MORC1: variants seen among roughly 807,000 people sequenced by gnomAD.
MORC1 encodes the protein MORC family CW-type zinc finger protein 1.
In MORC1, 59 loss-of-function variants were observed where a neutral mutation model predicts 134.9. That is an observed-to-expected ratio of 0.44 (90% CI 0.35 to 0.54). The LOEUF is 0.54. Ranked by LOEUF, MORC1 falls within the 20% of genes least tolerant of loss-of-function variation. The probability of loss-of-function intolerance (pLI) is 0.00; values close to 1 mark genes in which losing one functional copy is unlikely to be tolerated. For synonymous variants in MORC1, 395 were observed against 391.7 expected, an observed-to-expected ratio of 1.01 and a Z score of -0.10; for missense variants, 947 against 1,134.5, an observed-to-expected ratio of 0.83 and a Z score of 2.37.
chr3:108,959,368 T>G (rs1576565123), intron 27 of MORC1, among the ~76,000 whole-genome samples: 1 of 152,212 alleles, frequency 6.6e-6, no homozygotes, highest in Admixed American at 6.5e-5. Flanking sequence ...TTTTCTCTTT[T>G]TAAAAAATTA....
intron 17 of MORC1, among the ~76,000 whole-genome samples, chr3:109,015,514 G>T (rs373137172): frequency 6.2e-4 from 95 of 152,168 alleles, no homozygotes; most frequent in African/African-American, 2.2e-3. Context: ...GTAACTCCAG[G>T]GGTAGCTGAA....
In MORC1 at chr3:109,095,033, G is replaced by C. The variant is rs1456638718; in HGVS notation, c.459C>G (p.Thr153=). 1.3e-6 allele frequency: 2 copies of C among 1,589,116 alleles called. No homozygotes were observed. The highest frequency in any genetic ancestry group is 1.2e-5 in the South Asian group (1 of 83,462). ...VVPMPSWLIR[T]RESVTDDPQK... is the part of the protein sequence containing the mutation. ...GGGGATCATCTGTGACAGATTCTCT[G>C]GTTCTTATTAACCATGAGGGCATTG... is the stretch of plus-strand genomic sequence containing the variant. Residue 153 remains threonine, a synonymous_variant, in exon 7 of 28, where the codon ACC becomes ACG. Transcript: ENST00000232603.
intron 17 of MORC1, among the ~76,000 whole-genome samples, chr3:109,027,118 A>G (rs1949094634): frequency 1.3e-5 from 2 of 152,242 alleles, no homozygotes; most frequent in Non-Finnish European, 2.9e-5. Flanking sequence ...CTGCTATTTG[A>G]GGAAGCCAAC....
chr3:109,040,427 G>GGAAGGAAGGAAGGAAAGAAA (rs1248788787), intron 14 of MORC1, among the ~76,000 whole-genome samples: 19 of 48,382 alleles, frequency 3.9e-4, no homozygotes, highest in South Asian at 3.0e-3. Context: ...AAGGAAGGAA[G>GGAAGGAAGGAAGGAAAGAAA]GAAAGAAAGA....
intron 25 of MORC1, 77 bp from the exon 26 acceptor site, chr3:108,969,799 A>G (rs1947325537): frequency 4.3e-6 from 6 of 1,381,926 alleles, no homozygotes; most frequent in Non-Finnish European, 5.1e-6. Flanking sequence ...TATATCACAC[A>G]AGCATTGAGT....
In MORC1 at chr3:109,035,414, T is replaced by C; in HGVS notation, c.1385A>G (p.Asp462Gly). Residue 462 changes from aspartate to glycine, a missense_variant, in exon 15 of 28, where the codon GAT becomes GGT. This residue lies in a region of MORC1 where 722 missense variants were observed against 817.0 expected (regional missense o/e 0.88). Coordinates refer to ENST00000232603, the MANE Select transcript of MORC1 (RefSeq NM_014429.4). ...AAAAGAATTTAAAGGTTTCTCCACA[T>C]CGATGTCATTCTGGTATCCAAATTC... ...CNEFGYQNDI[D>G]VEKPLNSFQY... 1.3e-6 allele frequency: 2 copies of C among 1,541,844 alleles called. No individual in the cohort carries two copies. The highest frequency in any genetic ancestry group is 1.8e-6 in the Non-Finnish European group (2 of 1,127,644).
chr3:109,060,958 T>C (rs1950066101), intron 11 of MORC1, among the ~76,000 whole-genome samples: 1 of 149,434 alleles, frequency 6.7e-6, no homozygotes, highest in African/African-American at 2.5e-5. Flanking sequence ...CAATGATCAA[T>C]AACAATAAGA....
chr3:108,959,206 C>G, intron 27 of MORC1, 86 bp from the exon 28 acceptor site: 1 of 1,184,182 alleles, frequency 8.4e-7, no homozygotes, highest in East Asian at 2.8e-5. Context: ...ACAGTCTTCC[C>G]TATGACTCAT....
chr3:109,005,491 A>G (rs1322309471), intron 18 of MORC1, among the ~76,000 whole-genome samples, 176 bp from the exon 19 acceptor site: 1 of 152,218 alleles, frequency 6.6e-6, no homozygotes, highest in Non-Finnish European at 1.5e-5. Context: ...CTCATTAAGA[A>G]TTTGATTCAT....
intron 8 of MORC1, among the ~76,000 whole-genome samples, chr3:109,081,389 G>C (rs1434766596): frequency 1.3e-5 from 2 of 151,548 alleles, no homozygotes; most frequent in African/African-American, 4.8e-5. Context: ...CAAATATCAG[G>C]ATGGGAAAGT....
At chr3:109,031,439 T>A (rs1272556790) in intron 16 of MORC1, among the ~76,000 whole-genome samples, 1 of 152,218 alleles carries the variant, frequency 6.6e-6, no homozygotes, top group East Asian at 1.9e-4. Context: ...CTCCAGAGTC[T>A]GAACTCTAAA....
chr3:109,111,356 C>T (rs1311261342), intron 2 of MORC1, among the ~76,000 whole-genome samples: 2 of 152,122 alleles, frequency 1.3e-5, no homozygotes, highest in Admixed American at 1.3e-4. Context: ...GTTGCCTCAG[C>T]ACTACAGTGG....
chr3:109,035,988 T>C (rs1161582352), intron 14 of MORC1, among the ~76,000 whole-genome samples: 2 of 152,214 alleles, frequency 1.3e-5, no homozygotes, highest in African/African-American at 2.4e-5. Flanking sequence ...TCCTCCTTGC[T>C]TGAAAACACT....
chr3:109,003,262 C>CATATATAT (rs60788462), intron 20 of MORC1, among the ~76,000 whole-genome samples: 3,021 of 149,554 alleles, frequency 0.02, 67 homozygotes, highest in African/African-American at 0.056. Flanking sequence ...TAAAATTATA[C>CATATATAT]ATATATATAT....
chr3:109,075,427 A>C (rs1243894245), intron 8 of MORC1, among the ~76,000 whole-genome samples: 1 of 152,192 alleles, frequency 6.6e-6, no homozygotes, highest in Admixed American at 6.5e-5. Context: ...TAGAGTTTTT[A>C]TGGCTTTAGG....
chr3:108,985,865 G>A (rs2107467454), intron 22 of MORC1, among the ~76,000 whole-genome samples: 1 of 152,172 alleles, frequency 6.6e-6, no homozygotes, highest in South Asian at 2.1e-4. Context: ...TTAAAATTAA[G>A]ACACCCTTAC....
At position 109,070,459 on chromosome 3, in the gene MORC1, G is replaced by A. The variant is rs568806483; in HGVS notation, c.690-702C>T. On this transcript the variant is annotated intron_variant, in intron 8 of 27. Transcript: ENST00000232603. The stretch of plus-strand genomic sequence containing the variant: ...TGTCATTGTATACTTATAACTCCAG[G>A]GAACTTCTATATTAAAGTCCGTTTA... Among the ~76,000 whole-genome samples, 5 of 152,086 alleles carry A rather than the reference G, an allele frequency of 3.3e-5. No homozygotes were observed. In the South Asian group the frequency reaches 8.3e-4, roughly 25 times the overall value.
At chr3:109,014,515 T>G (rs1038119184) in intron 17 of MORC1, among the ~76,000 whole-genome samples, 2 of 152,208 alleles carry the variant, frequency 1.3e-5, no homozygotes, top group African/African-American at 4.8e-5. Flanking sequence ...TGCTTTATAT[T>G]AAATTCCAGT....
At chr3:108,979,766 G>A in intron 23 of MORC1, 99 bp from the exon 24 acceptor site, 1 of 1,417,728 alleles carries the variant, frequency 7.1e-7, no homozygotes, top group Non-Finnish European at 9.6e-7. Context: ...TACAACAAAT[G>A]AGAACAAGAA....
Sources: gnomAD v4.1 joint callset for allele counts (sites outside exome capture counted in the v4.1 genomes callset) on GRCh38, gnomAD v4.1.1 for gene constraint, gnomAD v4.1.1 regional missense constraint, MANE v1.5 for transcripts, NCBI Gene and HGNC (gene_info 2026-07-23, HGNC 2026-07-21) for gene names.